Variants in BRWD1 observed in about 807,000 individuals in gnomAD.
The protein encoded by BRWD1 is bromodomain and WD repeat domain containing 1.
In BRWD1, 82 loss-of-function variants were observed where a neutral mutation model predicts 251.2. The ratio of observed to expected loss-of-function variants is 0.33; its 90% CI spans 0.27 to 0.39. BRWD1 has a LOEUF of 0.39. BRWD1 is among the 10% of genes least tolerant of loss of function. BRWD1 has a pLI of 1.00. For missense variants in BRWD1, 2,233 were observed against 2,711.6 expected, an observed-to-expected ratio of 0.82 and a Z score of 3.92; for synonymous variants, 918 against 902.8, an observed-to-expected ratio of 1.02 and a Z score of -0.30.
intron 4 of BRWD1, among the ~76,000 whole-genome samples, chr21:39,302,048 A>G (rs185728285): frequency 9.1e-5 from 12 of 132,022 alleles, no homozygotes; most frequent in East Asian, 4.6e-4. Context: ...AGTGGCCCCA[A>G]TGCTGGATCA....
intron 21 of BRWD1, among the ~76,000 whole-genome samples, chr21:39,246,808 CGTG>C (rs2034205731): frequency 6.6e-6 from 1 of 152,180 alleles, no homozygotes; most frequent in African/African-American, 2.4e-5. Flanking sequence ...TCCGGCTGGG[CGTG>C]GTGGCTCACG....
chr21:39,314,731 C>G (rs1003884508), upstream of BRWD1: 1 of 244,046 alleles, frequency 4.1e-6, no homozygotes, highest in African/African-American at 2.3e-5. Flanking sequence ...ATGGCAATAA[C>G]CTACACACCA....
Position 39,190,881 on chromosome 21 carries a change from CAAT to C in BRWD1, c.*5375_*5377del, listed in dbSNP as rs1438309006. ...TATTCATTTTTAGGGTTCATTTACT[CAAT>C]GATGGGCACCACACAACTCTGAATT... On this transcript the variant is annotated 3_prime_UTR_variant, in exon 41 of 41. Transcript: ENST00000342449. 1.1e-5 allele frequency: 11 copies of C among 985,194 alleles called. No homozygotes were observed. The highest frequency in any genetic ancestry group is 1.2e-5 in the Non-Finnish European group (10 of 829,886). 61.0% of individuals were successfully genotyped at this position (985,194 alleles called of 1,614,324 possible).
In BRWD1 at chr21:39,192,510, A is replaced by G; in HGVS notation, c.*3749T>C. 1.0e-6 allele frequency: 1 copy of G among 984,842 alleles called. No individual in the cohort carries two copies. Among genetic ancestry groups the G allele is most frequent in the Non-Finnish European group, 1.2e-6 (1 of 829,428 alleles). 61.0% of individuals were successfully genotyped at this position (984,842 alleles called of 1,614,324 possible). A position where few individuals can be genotyped will look rare whatever the true frequency, so the allele number is the denominator to read the frequency against. On this transcript the variant is annotated 3_prime_UTR_variant, in exon 41 of 41. Transcript: ENST00000342449. Reference sequence around the variant, plus strand: ...GGTATAACTTCAACATTAACAGGTGAAAAGTTCTACAATGACTTGTTGCAC... The same window carrying G: ...GGTATAACTTCAACATTAACAGGTGGAAAGTTCTACAATGACTTGTTGCAC...
At chr21:39,210,671 CA>C (rs2032616579) in intron 35 of BRWD1, 114 bp downstream of exon 35, 1 of 1,273,680 alleles carries the variant, frequency 7.9e-7, no homozygotes, top group Non-Finnish European at 1.1e-6. Flanking sequence ...GTGATAGGAG[CA>C]AAAAAGTTAA....
chr21:39,299,219 T>C (rs1245403461), intron 4 of BRWD1, among the ~76,000 whole-genome samples: 1 of 146,450 alleles, frequency 6.8e-6, no homozygotes, highest in East Asian at 2.0e-4. Flanking sequence ...AAAAAATATA[T>C]ATACATATTA....
chr21:39,229,950 A>C (rs1386796688), intron 25 of BRWD1, among the ~76,000 whole-genome samples: 1 of 152,108 alleles, frequency 6.6e-6, no homozygotes, highest in African/African-American at 2.4e-5. Context: ...TGTTGTCCAG[A>C]CTAGTCTCGA....
chr21:39,249,589 T>C (rs1257318667), intron 20 of BRWD1, among the ~76,000 whole-genome samples: 2 of 152,196 alleles, frequency 1.3e-5, no homozygotes, highest in African/African-American at 4.8e-5. Flanking sequence ...TGAGAGCACA[T>C]ATTCCTTACA....
intron 8 of BRWD1, among the ~76,000 whole-genome samples, chr21:39,289,361 T>C (rs2035737048): frequency 6.6e-6 from 1 of 152,234 alleles, no homozygotes. Flanking sequence ...TACCGCCTCC[T>C]GATACACACA....
At chr21:39,255,413 G>C (rs1249310832) in intron 19 of BRWD1, among the ~76,000 whole-genome samples, 1 of 142,242 alleles carries the variant, frequency 7.0e-6, no homozygotes, top group Non-Finnish European at 1.5e-5. Context: ...ACTCCGTCTC[G>C]AAAAAAAAAA....
intron 27 of BRWD1, 88 bp from the exon 28 acceptor site, chr21:39,225,285 T>TAAA (rs1555853872): frequency 1.3e-6 from 1 of 798,560 alleles, no homozygotes; most frequent in South Asian, 1.6e-5. Flanking sequence ...ATGATACAGA[T>TAAA]AAAAAAGCCA....
intron 20 of BRWD1, 149 bp from the exon 21 acceptor site, chr21:39,247,981 T>A (rs2146601854): frequency 2.1e-6 from 2 of 934,240 alleles, no homozygotes; most frequent in Non-Finnish European, 3.0e-6. Flanking sequence ...CATACAGTTT[T>A]AACTCAAGCT....
intron 4 of BRWD1, among the ~76,000 whole-genome samples, chr21:39,300,992 C>A (rs570061847): frequency 6.6e-6 from 1 of 152,290 alleles, no homozygotes; most frequent in Admixed American, 6.5e-5. Flanking sequence ...TCCTGGCTAA[C>A]ACGGTAAAAC....
chr21:39,312,756 C>T, intron 4 of BRWD1, 85 bp downstream of exon 4: 1 of 1,146,442 alleles, frequency 8.7e-7, no homozygotes, highest in Non-Finnish European at 1.2e-6. Flanking sequence ...TTGCACCCCA[C>T]GGGCCGGGGT....
rs199702540 is a variant in BRWD1, at chr21:39,200,346, C to A, written c.4626G>T (p.Ser1542=). The change falls in exon 39 of 41, where the codon TCG becomes TCT. Residue 1542 remains serine, a synonymous_variant. Coordinates refer to ENST00000342449, the MANE Select transcript of BRWD1 (RefSeq NM_033656.4). ...VEDSLATSLS[S]SASSSSEESK... Reference sequence around the variant, plus strand: ...TTTCCTCAGAACTACTGGAAGCTGACGATGACAAAGAGGTAGCTAAAGAAT... The same window carrying A: ...TTTCCTCAGAACTACTGGAAGCTGAAGATGACAAAGAGGTAGCTAAAGAAT... 1 of 1,613,448 alleles carries A rather than the reference C, an allele frequency of 6.2e-7. No individual in the cohort carries two copies. The highest frequency in any genetic ancestry group is 1.1e-5 in the South Asian group (1 of 90,952).
chr21:39,184,646 A>G (rs1308802141), downstream of BRWD1: 1 of 152,234 alleles, frequency 6.6e-6, no homozygotes, highest in South Asian at 2.1e-4. Flanking sequence ...ATAATCAACA[A>G]AATCATTTAC....
chr21:39,247,251 G>GAC (rs1486505897), intron 21 of BRWD1, among the ~76,000 whole-genome samples: 2 of 152,172 alleles, frequency 1.3e-5, no homozygotes, highest in Non-Finnish European at 2.9e-5. Context: ...TAATAGAGGT[G>GAC]ACGATGGCCC....
intron 34 of BRWD1, among the ~76,000 whole-genome samples, chr21:39,211,580 C>T: frequency 6.6e-6 from 1 of 152,106 alleles, no homozygotes; most frequent in East Asian, 1.9e-4. Flanking sequence ...CTTCTGGCCA[C>T]ACCAAGACCA....
At chr21:39,278,494 G>A (rs1223979282) in intron 10 of BRWD1, 5 of 435,762 alleles carry the variant, frequency 1.1e-5, no homozygotes, top group Non-Finnish European at 2.0e-5. Flanking sequence ...AATCACTTGT[G>A]TGGACACCTC....
Sources: gnomAD v4.1 joint callset for allele counts (sites outside exome capture counted in the v4.1 genomes callset) on GRCh38, gnomAD v4.1.1 for gene constraint, MANE v1.5 for transcripts, NCBI Gene and HGNC (gene_info 2026-07-23, HGNC 2026-07-21) for gene names.